LRP1B: variants seen among roughly 807,000 people sequenced by gnomAD.
LRP1B encodes LDL receptor related protein 1B, also known as low-density lipoprotein receptor-related protein 1B.
Under a neutral mutation model 556.6 loss-of-function variants are expected in LRP1B, and 217 were observed. The observed-to-expected ratio is 0.39, with a 90% CI of 0.35 to 0.44. LRP1B has a LOEUF of 0.44. LRP1B is among the 20% of genes least tolerant of loss of function. The pLI is 1.00. For missense variants in LRP1B, 5,053 were observed against 5,620.8 expected, an observed-to-expected ratio of 0.90 and a Z score of 3.23; for synonymous variants, 2,047 against 1,865.8, an observed-to-expected ratio of 1.10 and a Z score of -2.50.
intron 43 of LRP1B, among the ~76,000 whole-genome samples, chr2:140,584,207 G>C (rs538371803): frequency 5.6e-4 from 85 of 152,006 alleles, no homozygotes; most frequent in Middle Eastern, 3.4e-3. Flanking sequence ...AAGAAATTCA[G>C]AGAAGAGAAA....
At chr2:141,414,227 G>C (rs1222983595) in intron 3 of LRP1B, among the ~76,000 whole-genome samples, 1 of 115,414 alleles carries the variant, frequency 8.7e-6, no homozygotes, top group Non-Finnish European at 1.7e-5. Flanking sequence ...ACAAGAGTGA[G>C]ACTCTATCTC....
rs1237009407 is a variant in LRP1B at position 140,323,588 on chromosome 2, A to AAACTT, written c.12514+300_12514+304dup. 3.9e-5 allele frequency among the ~76,000 whole-genome samples: 6 copies of AAACTT among 152,032 alleles called. No homozygotes were observed. The East Asian group carries it at 7.7e-4, about 20-fold the overall frequency. ...CTGCACATTGTGCACATGTACCCTA[A>AAACTT]AACTTAAAGTATAATAATAATAAAA... On this transcript the variant is annotated intron_variant, in intron 81 of 90. Coordinates refer to ENST00000389484, the MANE Select transcript of LRP1B (RefSeq NM_018557.3).
At position 141,690,394 on chromosome 2, in the gene LRP1B, T is replaced by TAAATAAATAA. The variant is rs1402850225; in HGVS notation, c.205+119884_205+119885insTTATTTATTT. ...AAATCCAGAAAAGGGATTACATCTA[T>TAAATAAATAA]AAATATATATATATATATATATATA... On this transcript the variant is annotated intron_variant, in intron 2 of 90. Transcript: ENST00000389484. 1.8e-3 allele frequency among the ~76,000 whole-genome samples: 34 copies of TAAATAAATAA among 19,230 alleles called. 2 individuals carry two copies. Among genetic ancestry groups the TAAATAAATAA allele is most frequent in the African/African-American group, 4.1e-3 (28 of 6,838 alleles). The allele number at this position is 19,230 out of a possible 152,430, so 12.6% of individuals were successfully genotyped here. A position where few individuals can be genotyped will look rare whatever the true frequency, so the allele number is the denominator to read the frequency against.
chr2:140,363,674 C>G (rs1250949629), intron 72 of LRP1B, among the ~76,000 whole-genome samples: 1 of 151,116 alleles, frequency 6.6e-6, no homozygotes, highest in Non-Finnish European at 1.5e-5. Context: ...GAAAAAAACT[C>G]TCCAAAACCT....
intron 1 of LRP1B, among the ~76,000 whole-genome samples, chr2:141,822,474 T>C (rs1056965339): frequency 7.2e-5 from 11 of 152,264 alleles, no homozygotes; most frequent in African/African-American, 2.6e-4. Context: ...TTGCAGGCTC[T>C]ATTTTCTAAA....
At chr2:141,988,864 T>C (rs1702270484) in intron 1 of LRP1B, among the ~76,000 whole-genome samples, 1 of 152,046 alleles carries the variant, frequency 6.6e-6, no homozygotes, top group African/African-American at 2.4e-5. Context: ...TAGAGCATTT[T>C]CTCATATCAT....
intron 21 of LRP1B, among the ~76,000 whole-genome samples, chr2:140,912,283 T>C (rs529393863): frequency 3.3e-5 from 5 of 151,880 alleles, no homozygotes; most frequent in African/African-American, 9.6e-5. Context: ...ACTTGATTCA[T>C]ATCAAGATAA....
chr2:140,646,459 G>T (rs544740201), intron 41 of LRP1B, among the ~76,000 whole-genome samples: 9 of 152,234 alleles, frequency 5.9e-5, no homozygotes, highest in African/African-American at 2.2e-4. Flanking sequence ...AAAATTGAAG[G>T]TCAGGGAGTT....
intron 35 of LRP1B, among the ~76,000 whole-genome samples, chr2:140,766,859 T>TATATATAATATATATATATA (rs1689137675): frequency 2.0e-4 from 10 of 50,166 alleles, no homozygotes; most frequent in Non-Finnish European, 2.8e-4. Flanking sequence ...TATATATATA[T>TATATATAATATATATATATA]ATATATAATA....
intron 62 of LRP1B, among the ~76,000 whole-genome samples, chr2:140,451,936 A>G (rs1238711589): frequency 6.6e-6 from 1 of 152,162 alleles, no homozygotes; most frequent in African/African-American, 2.4e-5. Context: ...AAAAGTCATG[A>G]GAAAGGTAAT....
chr2:141,856,521 C>A (rs1024581956), intron 1 of LRP1B, among the ~76,000 whole-genome samples: 5 of 152,162 alleles, frequency 3.3e-5, no homozygotes, highest in Non-Finnish European at 7.4e-5. Context: ...CCAGCTGCTA[C>A]TTCTGAAAGC....
intron 2 of LRP1B, among the ~76,000 whole-genome samples, chr2:141,695,342 C>T (rs958270766): frequency 6.6e-6 from 1 of 151,914 alleles, no homozygotes; most frequent in Admixed American, 6.6e-5. Flanking sequence ...TTGTAAACTT[C>T]CTGGTAACCT....
chr2:141,774,019 G>C (rs764645666), intron 2 of LRP1B, among the ~76,000 whole-genome samples: 1 of 152,160 alleles, frequency 6.6e-6, no homozygotes, highest in Non-Finnish European at 1.5e-5. Context: ...ACAACAACTC[G>C]TGATGGCTGA....
rs1681197058 is a variant in LRP1B at position 140,247,077 on chromosome 2, G to T, written c.13324+9C>A. ...TAGATTACCCAAAATATTAATCTGA[G>T]AAACTTACTTGTGCTGATATGATCA... is the stretch of plus-strand genomic sequence containing the variant. On this transcript the variant is annotated intron_variant, in intron 87 of 90. Transcript: ENST00000389484. The T allele has an allele frequency of 6.2e-7, 1 of 1,602,032 alleles. No individual in the cohort carries two copies.
At chr2:141,811,672 T>C (rs1696363645) in intron 1 of LRP1B, among the ~76,000 whole-genome samples, 1 of 152,148 alleles carries the variant, frequency 6.6e-6, no homozygotes, top group South Asian at 2.1e-4. Flanking sequence ...TATTTTATCC[T>C]ATTATATTTT....
At chr2:141,897,861 C>T (rs1699500239) in intron 1 of LRP1B, among the ~76,000 whole-genome samples, 1 of 152,120 alleles carries the variant, frequency 6.6e-6, no homozygotes, top group African/African-American at 2.4e-5. Context: ...CCATTAGCTA[C>T]ATGTGCAAAA....
chr2:140,311,188 T>TG (rs547654049), intron 83 of LRP1B, among the ~76,000 whole-genome samples: 3,090 of 151,666 alleles, frequency 0.02, 37 homozygotes, highest in African/African-American at 0.028. Context: ...ATTCACCTAA[T>TG]GGGAAAAAAA....
rs1463325215 is a variant in LRP1B, at chr2:141,071,248, C to CA, written c.1014-8976dup. ...TCCAGCATATAAACAGAACCAAAGA[C>CA]AAAAACCACATGATTATCTCAATAG... On this transcript the variant is annotated intron_variant, in intron 7 of 90. Transcript: ENST00000389484. 5.4e-3 allele frequency among the ~76,000 whole-genome samples: 809 copies of CA among 150,172 alleles called. 9 individuals are homozygous for CA. Among genetic ancestry groups the CA allele is most frequent in the African/African-American group, 0.019 (763 of 40,728 alleles).
chr2:141,515,975 A>T (rs1449808637), intron 2 of LRP1B, among the ~76,000 whole-genome samples: 1 of 152,198 alleles, frequency 6.6e-6, no homozygotes, highest in East Asian at 1.9e-4. Context: ...TACTTTAAAA[A>T]ACATATATTG....
Sources: gnomAD v4.1 joint callset for allele counts (sites outside exome capture counted in the v4.1 genomes callset) on GRCh38, gnomAD v4.1.1 for gene constraint, MANE v1.5 for transcripts, NCBI Gene and HGNC (gene_info 2026-07-23, HGNC 2026-07-21) for gene names.